GALNT1: variants seen among roughly 807,000 people sequenced by gnomAD.
GALNT1 encodes GalNAc transferase 1.
Under a neutral mutation model 65.7 loss-of-function variants are expected in GALNT1, and 17 were observed. That is an observed-to-expected ratio of 0.26 (90% confidence interval 0.18 to 0.39). The LOEUF (loss-of-function observed/expected upper bound fraction) is 0.39. GALNT1 is among the 10% of genes least tolerant of loss of function. The probability of loss-of-function intolerance (pLI) is 1.00; values close to 1 mark genes in which losing one functional copy is unlikely to be tolerated. For synonymous variants in GALNT1, 210 were observed against 219.7 expected (o/e 0.96, Z 0.39); for missense variants, 460 against 672.8 (o/e 0.68, Z 3.50).
At chr18:35,707,979 C>T (rs749184066) in intron 11 of GALNT1, among the ~76,000 whole-genome samples, 2 of 152,176 alleles carry the variant, frequency 1.3e-5, no homozygotes, top group Non-Finnish European at 2.9e-5. Context: ...TGCAAATTAC[C>T]ATTGTATGTA....
chr18:35,610,072 A>G (rs1040700726), intron 1 of GALNT1, among the ~76,000 whole-genome samples: 1 of 152,194 alleles, frequency 6.6e-6, no homozygotes, highest in Non-Finnish European at 1.5e-5. Flanking sequence ...TAGAACAGCT[A>G]TATAATTTGT....
At chr18:35,609,048 A>T (rs547257659) in intron 1 of GALNT1, among the ~76,000 whole-genome samples, 3 of 152,324 alleles carry the variant, frequency 2.0e-5, no homozygotes, top group Admixed American at 6.5e-5. Flanking sequence ...AACTCTTCTC[A>T]TTACAAACCC....
At chr18:35,666,445 T>G (rs1477103150) in intron 3 of GALNT1, among the ~76,000 whole-genome samples, 1 of 152,134 alleles carries the variant, frequency 6.6e-6, no homozygotes, top group East Asian at 1.9e-4. Context: ...AACTATAGAC[T>G]CTCCACAGTC....
chr18:35,586,375 T>C (rs1200097435), intron 1 of GALNT1, among the ~76,000 whole-genome samples: 1 of 152,212 alleles, frequency 6.6e-6, no homozygotes, highest in African/African-American at 2.4e-5. Context: ...TGTTTGTCTG[T>C]AGCTTGTCTT....
At chr18:35,653,179 C>G (rs1159654511) in intron 1 of GALNT1, among the ~76,000 whole-genome samples, 1 of 152,092 alleles carries the variant, frequency 6.6e-6, no homozygotes, top group Non-Finnish European at 1.5e-5. Context: ...ACAGTAGCAT[C>G]CTTGTTTTCA....
At chr18:35,695,708 A>G (rs1229736965) in intron 9 of GALNT1, among the ~76,000 whole-genome samples, 10 of 152,166 alleles carry the variant, frequency 6.6e-5, no homozygotes, top group African/African-American at 2.4e-4. Context: ...TTTGTTTTCA[A>G]ACAAGTGAGG....
At chr18:35,605,574 T>A (rs1392459782) in intron 1 of GALNT1, among the ~76,000 whole-genome samples, 1 of 151,792 alleles carries the variant, frequency 6.6e-6, no homozygotes, top group Non-Finnish European at 1.5e-5. Context: ...AACTCTTAGA[T>A]CTCCCTCCCT....
chr18:35,697,401 A>G (rs2048077256), intron 9 of GALNT1, among the ~76,000 whole-genome samples: 1 of 152,220 alleles, frequency 6.6e-6, no homozygotes, highest in Admixed American at 6.5e-5. Flanking sequence ...ATGTTTGGGC[A>G]ATACTATTTT....
chr18:35,691,627 G>C (rs1016478526), intron 8 of GALNT1, among the ~76,000 whole-genome samples: 3 of 152,174 alleles, frequency 2.0e-5, no homozygotes, highest in Admixed American at 6.5e-5. Flanking sequence ...CCTCAATGCT[G>C]TCATAGGAGG....
At chr18:35,707,275 T>A (rs1472918991) in intron 11 of GALNT1, among the ~76,000 whole-genome samples, 1 of 152,230 alleles carries the variant, frequency 6.6e-6, no homozygotes, top group Non-Finnish European at 1.5e-5. Flanking sequence ...AGGATGCAGG[T>A]AGACTTTACT....
Position 35,710,432 on chromosome 18 carries a change from C to T in GALNT1, c.*662C>T, listed in dbSNP as rs963909147. 18 of 152,240 alleles carry T rather than the reference C, an allele frequency of 1.2e-4. No individual in the cohort carries two copies. The highest frequency in any genetic ancestry group is 4.4e-4 in the African/African-American group (18 of 41,348). The allele number at this position is 152,240 out of a possible 1,614,324, so 9.4% of individuals were successfully genotyped here. On this transcript the variant is annotated 3_prime_UTR_variant, in exon 12 of 12. Coordinates refer to ENST00000269195, the MANE Select transcript of GALNT1 (RefSeq NM_020474.4). ...TCATTTTGTTTTCATCTGTGATAGT[C>T]ATGGATGCTTTTATTTTCCTTGGGG...
intron 1 of GALNT1, among the ~76,000 whole-genome samples, chr18:35,612,293 A>G (rs368687923): frequency 2.0e-5 from 3 of 152,318 alleles, no homozygotes; most frequent in East Asian, 1.9e-4. Context: ...TGAAAGATAG[A>G]AGGAGATATA....
At chr18:35,614,463 T>C (rs1230701605) in intron 1 of GALNT1, among the ~76,000 whole-genome samples, 3 of 152,186 alleles carry the variant, frequency 2.0e-5, no homozygotes, top group Admixed American at 6.5e-5. Context: ...ACAAAGGGCA[T>C]CTGTGAAAAA....
At chr18:35,679,894 T>C (rs2047763171) in intron 4 of GALNT1, among the ~76,000 whole-genome samples, 1 of 152,216 alleles carries the variant, frequency 6.6e-6, no homozygotes, top group Non-Finnish European at 1.5e-5. Context: ...TAAGGCACCA[T>C]CATTTCTCAC....
intron 3 of GALNT1, among the ~76,000 whole-genome samples, chr18:35,674,160 GAGTA>G (rs1408065442): frequency 1.3e-5 from 2 of 152,128 alleles, no homozygotes; most frequent in East Asian, 1.9e-4. Context: ...TGCTCTGGGT[GAGTA>G]AGTGAGTGCT....
At chr18:35,606,821 T>TTG (rs10526510) in intron 1 of GALNT1, among the ~76,000 whole-genome samples, 12,835 of 135,142 alleles carry the variant, frequency 0.095, 513 homozygotes, top group South Asian at 0.12. Context: ...TGTTGATGTT[T>TTG]TGTGTGTGTG....
chr18:35,617,041 C>G (rs1274097548), intron 1 of GALNT1, among the ~76,000 whole-genome samples: 1 of 151,976 alleles, frequency 6.6e-6, no homozygotes, highest in Non-Finnish European at 1.5e-5. Context: ...AGTTCCTTCC[C>G]CATTTGAGCA....
intron 1 of GALNT1, among the ~76,000 whole-genome samples, chr18:35,612,519 A>C (rs1052340068): frequency 1.3e-5 from 2 of 152,192 alleles, no homozygotes; most frequent in Non-Finnish European, 2.9e-5. Flanking sequence ...TAGCATTTCC[A>C]ATTAATATTA....
chr18:35,593,441 T>G (rs535952059), intron 1 of GALNT1, among the ~76,000 whole-genome samples: 5 of 152,206 alleles, frequency 3.3e-5, no homozygotes, highest in Non-Finnish European at 5.9e-5. Flanking sequence ...TAGCTTGCAT[T>G]CGGGGTAGTT....
Sources: gnomAD v4.1 joint callset for allele counts (sites outside exome capture counted in the v4.1 genomes callset) on GRCh38, gnomAD v4.1.1 for gene constraint, MANE v1.5 for transcripts, NCBI Gene and HGNC (gene_info 2026-07-23, HGNC 2026-07-21) for gene names.